MAP4K4: variants seen among roughly 807,000 people sequenced by gnomAD.
The protein encoded by MAP4K4 is mitogen-activated protein kinase kinase kinase kinase 4.
A neutral mutation model predicts 189.6 loss-of-function variants in MAP4K4; 38 were observed. The observed-to-expected ratio is 0.20, with a 90% confidence interval of 0.15 to 0.26. The LOEUF is 0.26. Among genes scored for constraint, MAP4K4 ranks in the 10% least tolerant of loss-of-function variants. The pLI is 1.00. For missense variants in MAP4K4, 1,054 were observed against 1,726.9 expected (o/e 0.61, Z 6.91); for synonymous variants, 610 against 624.3 (o/e 0.98, Z 0.34).
rs1344901128 is a variant in MAP4K4, at chr2:101,867,590, A to T, written c.2454+281A>T. 4 of 367,342 alleles carry T rather than the reference A, an allele frequency of 1.1e-5. No homozygotes were observed. In the Admixed American group the frequency reaches 1.7e-4, roughly 16 times the overall value. The allele number at this position is 367,342 out of a possible 1,614,324, so 22.8% of individuals were successfully genotyped here. A position where few individuals can be genotyped will look rare whatever the true frequency, so the allele number is the denominator to read the frequency against. ...TACAAAATTATGCAGAACAAAGTAT[A>T]GTTCTTATTTAATGAAATTTCCTTC... On this transcript the variant is annotated intron_variant, in intron 20 of 32. Transcript: ENST00000324219.
rs989869748 is a variant in MAP4K4 at position 101,765,512 on chromosome 2, A to C, written c.124-25208A>C. Among the ~76,000 whole-genome samples the C allele has an allele frequency of 2.0e-5, 3 of 151,868 alleles. No individual in the cohort carries two copies. In the East Asian group the frequency reaches 5.8e-4, roughly 29 times the overall value. The stretch of plus-strand genomic sequence containing the variant: ...GCTAATTTTTGTATTTTTTGTAGAG[A>C]TGGGGTTTCATGATGTTGCCCAGGC... On this transcript the variant is annotated intron_variant, in intron 2 of 32. Transcript: ENST00000324219.
intron 2 of MAP4K4, among the ~76,000 whole-genome samples, chr2:101,752,713 A>G (rs890486620): frequency 6.6e-6 from 1 of 152,210 alleles, no homozygotes; most frequent in Non-Finnish European, 1.5e-5. Flanking sequence ...TAGCAAGGTT[A>G]ATTTACCTGT....
At chr2:101,885,522 T>C (rs540026812) in intron 29 of MAP4K4, among the ~76,000 whole-genome samples, 1 of 152,344 alleles carries the variant, frequency 6.6e-6, no homozygotes, top group East Asian at 1.9e-4. Flanking sequence ...CTTTAATCGA[T>C]GTGGCAATGT....
chr2:101,885,355 T>A (rs1023772141), intron 29 of MAP4K4, 68 bp downstream of exon 29: 72 of 924,192 alleles, frequency 7.8e-5, no homozygotes, highest in Non-Finnish European at 8.2e-5. Context: ...TCAGGGAATA[T>A]GTTTAAAAAG....
chr2:101,865,737 A>G (rs1051375987), intron 18 of MAP4K4, among the ~76,000 whole-genome samples: 2 of 152,220 alleles, frequency 1.3e-5, no homozygotes, highest in Non-Finnish European at 2.9e-5. Context: ...AATGTTTTAT[A>G]TCTTGATCAT....
chr2:101,753,840 G>A (rs1331337260), intron 2 of MAP4K4, among the ~76,000 whole-genome samples: 1 of 152,032 alleles, frequency 6.6e-6, no homozygotes, highest in Non-Finnish European at 1.5e-5. Context: ...GGCTTGAAGA[G>A]TTAAACTACC....
chr2:101,867,989 G>A (rs768543568), intron 20 of MAP4K4, 40 bp from the exon 21 acceptor site: 15 of 1,611,728 alleles, frequency 9.3e-6, no homozygotes, highest in African/African-American at 5.3e-5. Flanking sequence ...CCTCATCAAC[G>A]ATGGCTTCTC....
chr2:101,844,779 A>G (rs2097040242), intron 12 of MAP4K4, among the ~76,000 whole-genome samples: 1 of 151,804 alleles, frequency 6.6e-6, no homozygotes, highest in Admixed American at 6.6e-5. Context: ...AACCTTGGGT[A>G]TACTCAAGAG....
At chr2:101,702,786 G>A (rs916676430) in intron 2 of MAP4K4, among the ~76,000 whole-genome samples, 2 of 152,196 alleles carry the variant, frequency 1.3e-5, no homozygotes, top group Non-Finnish European at 2.9e-5. Flanking sequence ...AGGGTACAAT[G>A]TGGACCTTGG....
At chr2:101,887,968 G>C in intron 31 of MAP4K4, 31 bp downstream of exon 31, 1 of 1,550,538 alleles carries the variant, frequency 6.4e-7, no homozygotes, top group South Asian at 1.3e-5. Flanking sequence ...GGCAGCATTT[G>C]TGAAAATGGA....
exon 27 of MAP4K4, chr2:101,877,062 G>C: frequency 6.2e-7 from 1 of 1,613,996 alleles, no homozygotes; most frequent in Non-Finnish European, 8.5e-7. Flanking sequence ...AAGTGGCCAA[G>C]GGAAGGTCTA....
intron 2 of MAP4K4, among the ~76,000 whole-genome samples, chr2:101,779,243 A>G (rs570661673): frequency 1.3e-5 from 2 of 152,096 alleles, no homozygotes; most frequent in Non-Finnish European, 1.5e-5. Context: ...AATAGAGGGA[A>G]GCATAAAGCT....
intron 2 of MAP4K4, among the ~76,000 whole-genome samples, chr2:101,739,846 TTCTG>T (rs763091455): frequency 3.0e-4 from 46 of 152,314 alleles, no homozygotes; most frequent in African/African-American, 1.0e-3. Context: ...TCAGAATGGC[TTCTG>T]TCTGTTAACC....
chr2:101,784,708 T>G (rs1332756773), intron 2 of MAP4K4, among the ~76,000 whole-genome samples: 1 of 152,178 alleles, frequency 6.6e-6, no homozygotes, highest in Non-Finnish European at 1.5e-5. Context: ...AAATAAGTTT[T>G]TATTATTGGT....
At chr2:101,832,246 T>G (rs1214491341) in intron 7 of MAP4K4, among the ~76,000 whole-genome samples, 1 of 152,228 alleles carries the variant, frequency 6.6e-6, no homozygotes, top group African/African-American at 2.4e-5. Flanking sequence ...TTAAACCACT[T>G]TACAGCTTTT....
chr2:101,884,649 GT>G (rs2098455924), intron 28 of MAP4K4, among the ~76,000 whole-genome samples: 1 of 152,192 alleles, frequency 6.6e-6, no homozygotes, highest in Non-Finnish European at 1.5e-5. Flanking sequence ...GAAGGAGGCA[GT>G]TTTACTACTT....
At chr2:101,715,127 G>A (rs898668020) in intron 2 of MAP4K4, among the ~76,000 whole-genome samples, 1 of 152,148 alleles carries the variant, frequency 6.6e-6, no homozygotes, top group East Asian at 1.9e-4. Flanking sequence ...TTGAGGTGTT[G>A]GCAGAGTTGG....
intron 2 of MAP4K4, among the ~76,000 whole-genome samples, chr2:101,729,984 G>A (rs2057681811): frequency 6.6e-6 from 1 of 152,116 alleles, no homozygotes; most frequent in East Asian, 1.9e-4. Context: ...GTCTCCTCCC[G>A]CAGCTCCGTG....
chr2:101,742,914 T>G (rs1388582825), intron 2 of MAP4K4, among the ~76,000 whole-genome samples: 1 of 152,234 alleles, frequency 6.6e-6, no homozygotes, highest in East Asian at 1.9e-4. Flanking sequence ...ACCCATGGCT[T>G]TTCAGATTTT....
Sources: allele counts gnomAD v4.1 joint callset (sites outside exome capture counted in the v4.1 genomes callset), GRCh38; gene constraint gnomAD v4.1.1; transcripts MANE v1.5; gene names NCBI Gene and HGNC (gene_info 2026-07-23, HGNC 2026-07-21).